BRME1: variants seen among roughly 807,000 people sequenced by gnomAD.
The protein encoded by BRME1 is break repair meiotic recombinase recruitment factor 1.
In BRME1, 31 loss-of-function variants were observed where a neutral mutation model predicts 52.6. That is an observed-to-expected ratio of 0.59 (90% confidence interval 0.44 to 0.80). The LOEUF (loss-of-function observed/expected upper bound fraction) is 0.80. Among genes scored for constraint, BRME1 ranks in the 30% least tolerant of loss-of-function variants. The pLI, the probability that BRME1 is intolerant of heterozygous loss-of-function variation, is 0.00. For synonymous variants in BRME1, 359 were observed against 353.6 expected, an observed-to-expected ratio of 1.02 and a Z score of -0.17; for missense variants, 804 against 860.3, an observed-to-expected ratio of 0.93 and a Z score of 0.82.
intron 2 of BRME1, among the ~76,000 whole-genome samples, chr19:13,898,735 C>T (rs1475972338): frequency 1.3e-5 from 2 of 151,498 alleles, no homozygotes; most frequent in Admixed American, 6.6e-5. Flanking sequence ...ACCAGCCTGA[C>T]CAACATGGAG....
chr19:13,882,501 A>G lies in BRME1; in HGVS notation c.*301T>C. On this transcript the variant is annotated 3_prime_UTR_variant, in exon 9 of 9. Transcript: ENST00000586783. ...TTGGCTCAGGACCCTAAAATTTGCA[A>G]ATCCGGACAGGATGGGCCCTGCTCA... The G allele has an allele frequency of 2.1e-6, 1 of 468,172 alleles. No homozygotes were observed. Among genetic ancestry groups the G allele is most frequent in the South Asian group, 4.4e-5 (1 of 22,640 alleles). The allele number at this position is 468,172 out of a possible 1,614,324, so 29.0% of individuals were successfully genotyped here.
At chr19:13,887,741 C>A (rs1969140513) in intron 6 of BRME1, among the ~76,000 whole-genome samples, 1 of 151,968 alleles carries the variant, frequency 6.6e-6, no homozygotes, top group Non-Finnish European at 1.5e-5. Context: ...TCGTGTTCAG[C>A]CTCTACCACT....
chr19:13,882,537 G>A lies in BRME1; in HGVS notation c.*265C>T. ...GATGGGCCCTGCTCAGAGGTGGCCAGCTTCCTGGAGCCCAGGCCCGCTTGA... is the reference window on the plus strand; with the variant it reads ...GATGGGCCCTGCTCAGAGGTGGCCAACTTCCTGGAGCCCAGGCCCGCTTGA... On this transcript the variant is annotated 3_prime_UTR_variant, in exon 9 of 9. Transcript: ENST00000586783. 1 of 538,502 alleles carries A rather than the reference G, an allele frequency of 1.9e-6. No individual in the cohort carries two copies. The highest frequency in any genetic ancestry group is 3.2e-6 in the Non-Finnish European group (1 of 308,420). 33.4% of individuals were successfully genotyped at this position (538,502 alleles called of 1,614,324 possible). A position where few individuals can be genotyped will look rare whatever the true frequency, so the allele number is the denominator to read the frequency against.
At position 13,889,589 on chromosome 19, in the gene BRME1, G is replaced by A. The variant is rs779190129; in HGVS notation, c.1267C>T (p.Pro423Ser). 1.6e-5 allele frequency: 25 copies of A among 1,611,804 alleles called. No homozygotes were observed. The highest frequency in any genetic ancestry group is 1.8e-5 in the Non-Finnish European group (21 of 1,178,836). Reference protein sequence around the residue: ...VGPTASLALAPGSGESMMGAG... With the variant: ...VGPTASLALASGSGESMMGAG... Reference sequence around the variant, plus strand: ...CCCATCATGGACTCTCCGCTCCCAGGTGCCAGAGCCAGGGAGGCTGTAGGG... The same window carrying A: ...CCCATCATGGACTCTCCGCTCCCAGATGCCAGAGCCAGGGAGGCTGTAGGG... The change falls in exon 6 of 9, where the codon CCT becomes TCT. Residue 423 changes from proline to serine, a missense_variant. By Grantham distance (74) the Pro-to-Ser change is moderately conservative (BLOSUM62 -1). Around this residue, in one of 3 missense-constraint regions of BRME1, gnomAD observed 552 missense variants for 561.1 expected, o/e 0.98. Transcript: ENST00000586783.
intron 2 of BRME1, among the ~76,000 whole-genome samples, chr19:13,895,919 C>G (rs1339392332): frequency 6.6e-6 from 1 of 152,210 alleles, no homozygotes. Flanking sequence ...TTCCCCATCA[C>G]TGAAAGCAAT....
In BRME1 at chr19:13,882,899, T is replaced by C; in HGVS notation, c.1910A>G (p.Tyr637Cys). 1 of 1,613,336 alleles carries C rather than the reference T, an allele frequency of 6.2e-7. No homozygotes were observed. The highest frequency in any genetic ancestry group is 1.1e-5 in the South Asian group (1 of 91,038). Residue 637 changes from tyrosine to cysteine, a missense_variant, in exon 9 of 9, where the codon TAC becomes TGC. By Grantham distance (194) the Tyr-to-Cys change is radical (BLOSUM62 -2). This residue lies in a region of BRME1 where 552 missense variants were observed against 561.1 expected (regional missense o/e 0.98). Transcript: ENST00000586783. The part of the protein sequence containing the change: ...RDLEAFKRLN[Y>C]RKTKLGGKAP... ...TTTGCCTCCCAGCTTTGTCTTCCGG[T>C]AGTTAAGGCGCTTGAAAGCTTCCAG...
intron 1 of BRME1, among the ~76,000 whole-genome samples, chr19:13,905,156 C>CA (rs1970592305): frequency 6.6e-6 from 1 of 152,092 alleles, no homozygotes; most frequent in African/African-American, 2.4e-5. Context: ...ACCTGAAAGA[C>CA]AAATGGGCCC....
intron 6 of BRME1, among the ~76,000 whole-genome samples, chr19:13,886,581 G>A (rs1461486700): frequency 1.3e-5 from 2 of 152,278 alleles, no homozygotes; most frequent in South Asian, 2.1e-4. Context: ...GTAACTCCAC[G>A]GCGCTTAAGC....
chr19:13,893,424 G>C (rs1055705766), intron 3 of BRME1, among the ~76,000 whole-genome samples: 17 of 152,170 alleles, frequency 1.1e-4, no homozygotes, highest in African/African-American at 4.1e-4. Context: ...TGTAATCCCA[G>C]CTACTTGGGA....
At chr19:13,892,739 A>AG in intron 5 of BRME1, 47 bp downstream of exon 5, 1 of 1,509,482 alleles carries the variant, frequency 6.6e-7, no homozygotes, top group Non-Finnish European at 9.2e-7. Flanking sequence ...CTGGGCCAGG[A>AG]GGCTGCACCT....
intron 5 of BRME1, among the ~76,000 whole-genome samples, chr19:13,891,333 G>C (rs1437603445): frequency 3.3e-5 from 5 of 151,910 alleles, no homozygotes; most frequent in Non-Finnish European, 1.5e-5. Flanking sequence ...ATACTTAGTA[G>C]AGACAGAGTT....
intron 5 of BRME1, 71 bp downstream of exon 5, chr19:13,892,715 T>A (rs1337793746): frequency 1.6e-6 from 2 of 1,286,470 alleles, no homozygotes; most frequent in Non-Finnish European, 2.2e-6. Context: ...CAGGGTTAAA[T>A]GGGGCTGCCG....
chr19:13,890,478 G>T lies in BRME1; in HGVS notation c.394-16C>A. ...CGATTGTTTCCTGTGGACAGAAAAAGACTCAGCCCCGGGGCCTTTGATAAC... is the reference window on the plus strand; with the variant it reads ...CGATTGTTTCCTGTGGACAGAAAAATACTCAGCCCCGGGGCCTTTGATAAC... On this transcript the variant is annotated splice_polypyrimidine_tract_variant and intron_variant, in intron 5 of 8. Transcript: ENST00000586783. 3 of 1,475,634 alleles carry T rather than the reference G, an allele frequency of 2.0e-6. No individual in the cohort carries two copies. Among genetic ancestry groups the T allele is most frequent in the Non-Finnish European group, 2.7e-6 (3 of 1,119,820 alleles). The allele number at this position is 1,475,634 out of a possible 1,614,324, so 91.4% of individuals were successfully genotyped here.
At chr19:13,884,520 T>A (rs1968859071) in intron 7 of BRME1, among the ~76,000 whole-genome samples, 1 of 149,800 alleles carries the variant, frequency 6.7e-6, no homozygotes, top group Admixed American at 6.6e-5. Flanking sequence ...CCCAGCTACT[T>A]AGGGGGCTGA....
chr19:13,883,327 C>T lies in BRME1; in HGVS notation c.1837G>A (p.Val613Ile), dbSNP rs777033355. Residue 613 changes from valine to isoleucine, a missense_variant, in exon 8 of 9, where the codon GTT becomes ATT. Coordinates refer to ENST00000586783, the MANE Select transcript of BRME1 (RefSeq NM_001345843.2). This position sits in a 1 kb window ranked among gnomAD's most constrained non-coding sequence, Gnocchi z 4.2. ...DATNVVRGLI[V>I]ELSNLNRLIM... is the part of the protein sequence containing the mutation. ...CCGTACTTCAGGTTGGAGAGCTCAA[C>T]GATGAGGCCACGCACGACGTTGGTG... 1.5e-4 allele frequency: 225 copies of T among 1,534,440 alleles called. 1 individual carries two copies. In the East Asian group the frequency reaches 4.7e-3, roughly 32 times the overall value.
At chr19:13,892,567 G>A (rs1969579806) in intron 5 of BRME1, among the ~76,000 whole-genome samples, 1 of 152,080 alleles carries the variant, frequency 6.6e-6, no homozygotes, top group East Asian at 1.9e-4. Context: ...CAGCCTGGGT[G>A]ACAAGAGTGA....
intron 3 of BRME1, among the ~76,000 whole-genome samples, chr19:13,893,541 A>C (rs1420254722): frequency 2.6e-5 from 4 of 151,942 alleles, no homozygotes; most frequent in Non-Finnish European, 5.9e-5. Context: ...TGTCAAAAAC[A>C]AACAAACGAG....
At chr19:13,886,079 A>C in intron 6 of BRME1, 24 bp from the exon 7 acceptor site, 1 of 1,607,846 alleles carries the variant, frequency 6.2e-7, no homozygotes, top group Non-Finnish European at 8.5e-7. Context: ...ACAAGGTGTG[A>C]GTGGTCGAGG....
chr19:13,897,576 C>T (rs944295792), intron 2 of BRME1, among the ~76,000 whole-genome samples: 2 of 152,154 alleles, frequency 1.3e-5, no homozygotes, highest in East Asian at 1.9e-4. Context: ...AAAATATTGG[C>T]CTTTGCCACC....
Sources: gnomAD v4.1 joint callset for allele counts (sites outside exome capture counted in the v4.1 genomes callset) on GRCh38, gnomAD v4.1.1 for gene constraint, gnomAD v4.1.1 regional missense constraint, Gnocchi (gnomAD v3.1) non-coding constraint, MANE v1.5 for transcripts, NCBI Gene and HGNC (gene_info 2026-07-23, HGNC 2026-07-21) for gene names.